GAB2: variants seen among roughly 807,000 people sequenced by gnomAD.
The protein encoded by GAB2 is GRB2-associated-binding protein 2.
In GAB2, 26 loss-of-function variants were observed where a neutral mutation model predicts 65.5. That is an observed-to-expected ratio of 0.40 (90% confidence interval 0.29 to 0.55). GAB2 has a LOEUF of 0.55. Ranked by LOEUF, GAB2 falls within the 20% of genes least tolerant of loss-of-function variation. The probability of loss-of-function intolerance (pLI) is 0.53; values close to 1 mark genes in which losing one functional copy is unlikely to be tolerated. For missense variants in GAB2, 884 were observed against 875.8 expected (o/e 1.01, Z -0.12); for synonymous variants, 321 against 329.6 (o/e 0.97, Z 0.28).
chr11:78,279,380 C>T (rs936351052), intron 2 of GAB2, among the ~76,000 whole-genome samples: 6 of 152,274 alleles, frequency 3.9e-5, no homozygotes, highest in East Asian at 1.9e-4. Flanking sequence ...CACATGTCCA[C>T]GAACCTGGTC....
At chr11:78,326,256 T>C (rs1323547099) in intron 1 of GAB2, among the ~76,000 whole-genome samples, 1 of 152,200 alleles carries the variant, frequency 6.6e-6, no homozygotes, top group Non-Finnish European at 1.5e-5. Flanking sequence ...CATACCCTTA[T>C]TTTTACATAA....
intron 2 of GAB2, among the ~76,000 whole-genome samples, chr11:78,270,099 C>A (rs141159405): frequency 1.3e-5 from 2 of 152,158 alleles, no homozygotes; most frequent in South Asian, 2.1e-4. Flanking sequence ...AAGGCCAAGG[C>A]GGGTGGATCA....
chr11:78,230,793 A>G (rs561575772), intron 3 of GAB2, among the ~76,000 whole-genome samples: 2 of 152,350 alleles, frequency 1.3e-5, no homozygotes, highest in South Asian at 4.1e-4. Flanking sequence ...GGGTGCCCCC[A>G]CTGCGCAAAC....
intron 1 of GAB2, among the ~76,000 whole-genome samples, chr11:78,413,252 T>G (rs775988802): frequency 9.9e-5 from 15 of 152,122 alleles, no homozygotes; most frequent in Non-Finnish European, 1.8e-4. Context: ...GCCAGTAGAA[T>G]GGACAAGGTT....
intron 4 of GAB2, 140 bp downstream of exon 4, chr11:78,226,325 A>G: frequency 2.9e-6 from 2 of 687,500 alleles, no homozygotes; most frequent in South Asian, 3.4e-5. Context: ...TGGGTAGAAG[A>G]CACCTATGTT....
At chr11:78,389,200 G>A (rs1169696458) in intron 1 of GAB2, among the ~76,000 whole-genome samples, 3 of 151,996 alleles carry the variant, frequency 2.0e-5, no homozygotes, top group African/African-American at 7.2e-5. Context: ...GATCACAACA[G>A]GAAAAATGAC....
At chr11:78,346,722 A>ATATATATATATATATATTT (rs1565168352) in intron 1 of GAB2, among the ~76,000 whole-genome samples, 2 of 30,794 alleles carry the variant, frequency 6.5e-5, no homozygotes, top group Admixed American at 3.7e-4. Context: ...TATATATATA[A>ATATATATATATATATATTT]TTTTTTTTTT....
At chr11:78,346,706 TA>T (rs1565168215) in intron 1 of GAB2, among the ~76,000 whole-genome samples, 16 of 96,626 alleles carry the variant, frequency 1.7e-4, no homozygotes, top group South Asian at 6.5e-4. Flanking sequence ...TATATATATA[TA>T]TATATATATA....
chr11:78,300,997 G>A (rs930488616), intron 1 of GAB2, among the ~76,000 whole-genome samples: 5 of 151,940 alleles, frequency 3.3e-5, no homozygotes, highest in South Asian at 2.1e-4. Context: ...ACCCAGCCTC[G>A]CTGTGGTTTT....
chr11:78,331,836 G>A (rs749247144), intron 1 of GAB2, among the ~76,000 whole-genome samples: 25 of 152,238 alleles, frequency 1.6e-4, no homozygotes, highest in South Asian at 8.3e-4. Flanking sequence ...ACCACAGCCT[G>A]GTCACTAAGG....
rs1352062195 is a variant in GAB2, at chr11:78,215,479, A to G, written c.*3793T>C. 2 of 152,670 alleles carry G rather than the reference A, an allele frequency of 1.3e-5. No individual in the cohort carries two copies. Among genetic ancestry groups the G allele is most frequent in the Non-Finnish European group, 2.9e-5 (2 of 68,042 alleles). 9.5% of individuals were successfully genotyped at this position (152,670 alleles called of 1,614,324 possible). On this transcript the variant is annotated 3_prime_UTR_variant, in exon 10 of 10. Transcript: ENST00000361507. ...AAAAAAGAATACAACAGAATAAATTAATAACTTAAGTGATTAGGCACCAAC... is the reference window on the plus strand; with the variant it reads ...AAAAAAGAATACAACAGAATAAATTGATAACTTAAGTGATTAGGCACCAAC...
intron 1 of GAB2, among the ~76,000 whole-genome samples, chr11:78,338,866 G>A (rs1487748679): frequency 5.3e-5 from 8 of 152,054 alleles, no homozygotes; most frequent in Admixed American, 1.3e-4. Flanking sequence ...TAAGGGCAAC[G>A]AGACTGAATT....
intron 1 of GAB2, among the ~76,000 whole-genome samples, chr11:78,316,254 C>T (rs1486230563): frequency 2.6e-5 from 4 of 152,172 alleles, no homozygotes; most frequent in African/African-American, 9.7e-5. Context: ...CCCCAGCTTC[C>T]AGATGGCCTA....
intron 1 of GAB2, among the ~76,000 whole-genome samples, chr11:78,336,286 G>T (rs1216497372): frequency 1.7e-5 from 2 of 116,730 alleles, no homozygotes; most frequent in African/African-American, 6.5e-5. Flanking sequence ...TGCACTCACT[G>T]CACTCACTCC....
chr11:78,272,730 C>T (rs556622148), intron 2 of GAB2, among the ~76,000 whole-genome samples: 1 of 152,358 alleles, frequency 6.6e-6, no homozygotes, highest in South Asian at 2.1e-4. Flanking sequence ...GAATGTTAAT[C>T]CCCAAGACAA....
chr11:78,405,517 C>G (rs1254192302), intron 1 of GAB2, among the ~76,000 whole-genome samples: 4 of 152,134 alleles, frequency 2.6e-5, no homozygotes, highest in Non-Finnish European at 5.9e-5. Flanking sequence ...AATAAAATAT[C>G]TAGTAATTGC....
chr11:78,260,824 G>A lies in GAB2; in HGVS notation c.377-10424C>T, dbSNP rs144919426. On this transcript the variant is annotated intron_variant, in intron 2 of 9. Transcript: ENST00000361507. ...TAATTTTGCCATTTATTCTAATTGG[G>A]AATTCATAAATCTGTCATGTGAAGT... Among the ~76,000 whole-genome samples, 304 of 152,234 alleles carry A rather than the reference G, an allele frequency of 2.0e-3. 1 individual carries two copies. The highest frequency in any genetic ancestry group is 7.1e-3 in the African/African-American group (295 of 41,552).
At chr11:78,324,110 T>C (rs549905353) in intron 1 of GAB2, among the ~76,000 whole-genome samples, 2 of 152,268 alleles carry the variant, frequency 1.3e-5, no homozygotes, top group South Asian at 2.1e-4. Context: ...CTCTGAATTT[T>C]TTTTTTTTAA....
intron 1 of GAB2, among the ~76,000 whole-genome samples, chr11:78,335,427 A>G (rs1855981433): frequency 6.6e-6 from 1 of 152,214 alleles, no homozygotes; most frequent in Admixed American, 6.5e-5. Flanking sequence ...ATATGGTGAA[A>G]GATAGGGATC....
Sources: allele counts gnomAD v4.1 joint callset (sites outside exome capture counted in the v4.1 genomes callset), GRCh38; gene constraint gnomAD v4.1.1; transcripts MANE v1.5; gene names NCBI Gene and HGNC (gene_info 2026-07-23, HGNC 2026-07-21).